The following FUT9 variants were observed in gnomAD, a reference collection of about 807,000 sequenced individuals.
FUT9 encodes fucosyltransferase 9.
Under a neutral mutation model 29.7 loss-of-function variants are expected in FUT9, and 15 were observed. The observed-to-expected ratio is 0.51, with a 90% CI of 0.34 to 0.78. FUT9 has a LOEUF of 0.78. Among genes scored for constraint, FUT9 ranks in the 30% least tolerant of loss-of-function variants. The pLI, the probability that FUT9 is intolerant of heterozygous loss-of-function variation, is 0.01. For synonymous variants in FUT9, 169 were observed against 153.7 expected, an observed-to-expected ratio of 1.10 and a Z score of -0.74; for missense variants, 319 against 425.4, an observed-to-expected ratio of 0.75 and a Z score of 2.20.
At chr6:96,145,670 A>G (rs1473297431) in intron 2 of FUT9, among the ~76,000 whole-genome samples, 3 of 152,130 alleles carry the variant, frequency 2.0e-5, no homozygotes, top group African/African-American at 4.8e-5. Context: ...GGAGCTGACC[A>G]TGCTGATATC....
intron 1 of FUT9, among the ~76,000 whole-genome samples, chr6:96,020,394 T>C (rs970414483): frequency 6.6e-6 from 1 of 152,098 alleles, no homozygotes; most frequent in Admixed American, 6.6e-5. Context: ...CAGAGAAGGT[T>C]TCGTATCCAT....
At chr6:96,133,523 C>A (rs1037796613) in intron 2 of FUT9, among the ~76,000 whole-genome samples, 4 of 151,850 alleles carry the variant, frequency 2.6e-5, no homozygotes, top group Admixed American at 6.6e-5. Context: ...GGTTAGGGAA[C>A]CCTGACCAAA....
chr6:96,037,532 A>G (rs983832911), intron 1 of FUT9: 2 of 152,102 alleles, frequency 1.3e-5, no homozygotes, highest in African/African-American at 4.8e-5. Context: ...TGGTATTGAT[A>G]TTTAATGACT....
intron 1 of FUT9, among the ~76,000 whole-genome samples, chr6:96,019,362 G>A (rs1397409685): frequency 6.6e-6 from 1 of 151,702 alleles, no homozygotes; most frequent in East Asian, 1.9e-4. Context: ...CATTGCGGTG[G>A]ATGTATTATT....
intron 2 of FUT9, among the ~76,000 whole-genome samples, chr6:96,180,832 T>C (rs1485203273): frequency 1.3e-5 from 2 of 152,054 alleles, no homozygotes; most frequent in Non-Finnish European, 2.9e-5. Flanking sequence ...CATTCATTTG[T>C]TGATGGACGC....
rs1029105339 is a variant in FUT9, at chr6:96,204,417, G to T, written c.*182G>T. On this transcript the variant is annotated 3_prime_UTR_variant, in exon 3 of 3. Coordinates refer to ENST00000302103, the MANE Select transcript of FUT9 (RefSeq NM_006581.4). ...CTCAGCATGAGCAATCATTCCATTC[G>T]GTTTTAAATTATCCTGTATATACCT... 4.8e-6 allele frequency: 2 copies of T among 416,718 alleles called. No homozygotes were observed. The allele number at this position is 416,718 out of a possible 1,614,324, so 25.8% of individuals were successfully genotyped here. A position where few individuals can be genotyped will look rare whatever the true frequency, so the allele number is the denominator to read the frequency against.
intron 1 of FUT9, among the ~76,000 whole-genome samples, chr6:96,023,692 T>C (rs759874909): frequency 6.6e-6 from 1 of 151,924 alleles, no homozygotes; most frequent in Non-Finnish European, 1.5e-5. Context: ...GATTATGGGA[T>C]TAACAACTTG....
chr6:96,075,790 T>C (rs1771134242), intron 1 of FUT9, among the ~76,000 whole-genome samples: 1 of 152,190 alleles, frequency 6.6e-6, no homozygotes, highest in African/African-American at 2.4e-5. Context: ...CACTGACCGA[T>C]TTGACAATGG....
chr6:96,145,320 T>G (rs1772546288), intron 2 of FUT9, among the ~76,000 whole-genome samples: 1 of 152,156 alleles, frequency 6.6e-6, no homozygotes, highest in Admixed American at 6.5e-5. Flanking sequence ...CCTCCCAAAG[T>G]GCTGGGATTA....
chr6:96,088,209 T>G (rs1771351258), intron 1 of FUT9, among the ~76,000 whole-genome samples: 1 of 152,100 alleles, frequency 6.6e-6, no homozygotes, highest in African/African-American at 2.4e-5. Flanking sequence ...CTCCACGTTG[T>G]GCACATGTAC....
At chr6:96,054,118 G>C (rs1489424352) in intron 1 of FUT9, among the ~76,000 whole-genome samples, 4 of 152,112 alleles carry the variant, frequency 2.6e-5, no homozygotes, top group African/African-American at 9.7e-5. Flanking sequence ...TTCATCAAAT[G>C]ACCATATTTC....
intron 2 of FUT9, among the ~76,000 whole-genome samples, chr6:96,177,175 T>C (rs1002096725): frequency 1.3e-5 from 2 of 152,130 alleles, no homozygotes; most frequent in African/African-American, 4.8e-5. Context: ...TTAAAAGCAT[T>C]AAAATTTTTT....
intron 1 of FUT9, among the ~76,000 whole-genome samples, chr6:96,088,818 T>C (rs796922057): frequency 3.0e-5 from 4 of 132,536 alleles, no homozygotes; most frequent in African/African-American, 1.2e-4. Context: ...ATTCCTTGCA[T>C]GACTGGCTAT....
chr6:96,124,835 T>C (rs930264384), intron 2 of FUT9, among the ~76,000 whole-genome samples: 19 of 152,184 alleles, frequency 1.2e-4, no homozygotes, highest in African/African-American at 4.6e-4. Flanking sequence ...CAAAAAGATG[T>C]ATAATTTTTT....
chr6:96,104,880 G>T (rs1309445004), intron 1 of FUT9, among the ~76,000 whole-genome samples: 1 of 152,134 alleles, frequency 6.6e-6, no homozygotes, highest in Non-Finnish European at 1.5e-5. Flanking sequence ...TAGAAGGCAG[G>T]TACAGATTTT....
chr6:96,095,402 C>T (rs545321881), intron 1 of FUT9, among the ~76,000 whole-genome samples: 26 of 152,286 alleles, frequency 1.7e-4, no homozygotes, highest in Admixed American at 1.4e-3. Context: ...CCTCAACTTT[C>T]GCTTGAATAC....
intron 1 of FUT9, among the ~76,000 whole-genome samples, chr6:96,102,081 T>G (rs1202875139): frequency 9.9e-5 from 15 of 152,102 alleles, no homozygotes; most frequent in Admixed American, 9.8e-4. Context: ...ACAATAAAAC[T>G]TTCCTGATTT....
chr6:96,099,498 GA>G (rs985301825), intron 1 of FUT9, among the ~76,000 whole-genome samples: 1 of 152,002 alleles, frequency 6.6e-6, no homozygotes, highest in African/African-American at 2.4e-5. Flanking sequence ...TAACACTTCA[GA>G]AAAATAGTTG....
At chr6:96,129,255 ACT>A (rs1391960233) in intron 2 of FUT9, among the ~76,000 whole-genome samples, 2 of 119,180 alleles carry the variant, frequency 1.7e-5, no homozygotes, top group African/African-American at 3.2e-5. Flanking sequence ...AGAGAATGAG[ACT>A]CTGTCTCAAA....
Sources: allele counts gnomAD v4.1 joint callset (sites outside exome capture counted in the v4.1 genomes callset), GRCh38; gene constraint gnomAD v4.1.1; transcripts MANE v1.5; gene names NCBI Gene and HGNC (gene_info 2026-07-23, HGNC 2026-07-21).